Variants in MSRA observed in about 807,000 individuals in gnomAD.
MSRA encodes methionine sulfoxide reductase A, also known as mitochondrial peptide methionine sulfoxide reductase.
Under a neutral mutation model 31.3 loss-of-function variants are expected in MSRA, and 54 were observed. The observed-to-expected ratio is 1.73, with a 90% confidence interval of 1.39 to 2.17. The LOEUF (loss-of-function observed/expected upper bound fraction) is 2.17. MSRA is among the 30% of genes most tolerant of loss of function. MSRA has a pLI of 0.00. For synonymous variants in MSRA, 169 were observed against 116.5 expected (o/e 1.45, Z -2.90); for missense variants, 507 against 300.9 (o/e 1.69, Z -5.07).
chr8:10,149,425 A>T (rs1803463139), intron 1 of MSRA, among the ~76,000 whole-genome samples: 1 of 152,156 alleles, frequency 6.6e-6, no homozygotes, highest in Non-Finnish European at 1.5e-5. Flanking sequence ...CGCCCGGCTG[A>T]GAAATTCTTT....
chr8:10,422,107 A>T lies in MSRA; in HGVS notation c.544-6041A>T, dbSNP rs546033061. ...ACCAGCGTGGACAACATATAGGGAG[A>T]CACTGTCTCTATAAAAAAATTAAAA... On this transcript the variant is annotated intron_variant, in intron 5 of 5. Transcript: ENST00000317173. Among the ~76,000 whole-genome samples, 6 of 152,264 alleles carry T rather than the reference A, an allele frequency of 3.9e-5. No homozygotes were observed. In the South Asian group the frequency reaches 1.2e-3, roughly 32 times the overall value.
chr8:10,415,256 C>G (rs1454377187), intron 5 of MSRA, among the ~76,000 whole-genome samples: 1 of 152,170 alleles, frequency 6.6e-6, no homozygotes, highest in Admixed American at 6.5e-5. Context: ...GACCCATTCC[C>G]CTTGCATCTA....
intron 1 of MSRA, among the ~76,000 whole-genome samples, chr8:10,063,253 G>T (rs973656060): frequency 4.6e-5 from 7 of 152,160 alleles, no homozygotes; most frequent in Admixed American, 1.3e-4. Context: ...GAGTCCCGAT[G>T]ACTTCTTTTC....
chr8:10,343,209 C>T (rs1193656532), intron 5 of MSRA, among the ~76,000 whole-genome samples: 1 of 152,054 alleles, frequency 6.6e-6, no homozygotes, highest in African/African-American at 2.4e-5. Context: ...TTCAGGCTTG[C>T]TCAGCAGCAT....
At chr8:10,283,432 T>C (rs1302482180) in intron 3 of MSRA, among the ~76,000 whole-genome samples, 1 of 151,998 alleles carries the variant, frequency 6.6e-6, no homozygotes, top group Non-Finnish European at 1.5e-5. Flanking sequence ...ACTGCTTTTC[T>C]TTTTTAAAAA....
chr8:10,403,279 C>G (rs1380309423), intron 5 of MSRA, among the ~76,000 whole-genome samples: 1 of 152,214 alleles, frequency 6.6e-6, no homozygotes, highest in South Asian at 2.1e-4. Flanking sequence ...AGGTGCCTCC[C>G]TGAGTGATGT....
chr8:10,057,659 G>C (rs906737077), intron 1 of MSRA, among the ~76,000 whole-genome samples: 1 of 152,110 alleles, frequency 6.6e-6, no homozygotes, highest in African/African-American at 2.4e-5. Context: ...TGCTGTTCTC[G>C]TGAGAGTGAA....
chr8:10,320,589 A>G (rs1470891391), intron 5 of MSRA, among the ~76,000 whole-genome samples: 10 of 151,280 alleles, frequency 6.6e-5, no homozygotes, highest in Non-Finnish European at 1.3e-4. Flanking sequence ...TCTGTCTGAA[A>G]CTCTCTCTTT....
intron 1 of MSRA, among the ~76,000 whole-genome samples, chr8:10,144,457 T>C (rs1249056315): frequency 1.3e-5 from 2 of 152,312 alleles, no homozygotes; most frequent in South Asian, 4.1e-4. Context: ...GCGCTTAGAC[T>C]GGTGACTGGC....
intron 4 of MSRA, among the ~76,000 whole-genome samples, chr8:10,305,049 G>T (rs1015691275): frequency 2.0e-5 from 3 of 152,210 alleles, no homozygotes; most frequent in African/African-American, 7.2e-5. Flanking sequence ...ACAGAAATGT[G>T]ACTCAAGAGA....
chr8:10,088,030 T>G (rs1231143297), intron 1 of MSRA, among the ~76,000 whole-genome samples: 1 of 152,202 alleles, frequency 6.6e-6, no homozygotes, highest in Non-Finnish European at 1.5e-5. Context: ...TTCTTTGTCC[T>G]TTGTCAAAGC....
chr8:10,328,495 C>G (rs1328771984), intron 5 of MSRA, among the ~76,000 whole-genome samples: 1 of 152,080 alleles, frequency 6.6e-6, no homozygotes, highest in Non-Finnish European at 1.5e-5. Context: ...CTTCTTACCT[C>G]TCCATGATTA....
At position 10,339,096 on chromosome 8, in the gene MSRA, A is replaced by G. The variant is rs575998208; in HGVS notation, c.543+19107A>G. The stretch of plus-strand genomic sequence containing the variant: ...GTTCTTATGAACCTTGACTGCAGAG[A>G]TAAGTTGACAGTGGCTGACAGATGA... On this transcript the variant is annotated intron_variant, in intron 5 of 5. Coordinates refer to ENST00000317173, the MANE Select transcript of MSRA (RefSeq NM_012331.5). Among the ~76,000 whole-genome samples, 5 of 152,250 alleles carry G rather than the reference A, an allele frequency of 3.3e-5. 1 individual carries two copies. In the South Asian group the frequency reaches 1.0e-3, roughly 32 times the overall value.
At chr8:10,226,153 G>C (rs1400577788) in intron 2 of MSRA, among the ~76,000 whole-genome samples, 3 of 152,164 alleles carry the variant, frequency 2.0e-5, no homozygotes, top group Non-Finnish European at 2.9e-5. Context: ...GCAGGTGACT[G>C]TTCAGGTGAC....
At position 10,104,386 on chromosome 8, in the gene MSRA, G is replaced by A. The variant is rs146267725; in HGVS notation, c.142+49728G>A. Among the ~76,000 whole-genome samples, 215 of 152,348 alleles carry A rather than the reference G, an allele frequency of 1.4e-3. 1 individual carries two copies. The highest frequency in any genetic ancestry group is 4.8e-3 in the African/African-American group (198 of 41,580). Reference sequence around the variant, plus strand: ...CAGGAGGTCCTGACATGTGCCCAGGGTGATGGGGGTACAGCTTGGTTTTAT... The same window carrying A: ...CAGGAGGTCCTGACATGTGCCCAGGATGATGGGGGTACAGCTTGGTTTTAT... On this transcript the variant is annotated intron_variant, in intron 1 of 5. Coordinates refer to ENST00000317173, the MANE Select transcript of MSRA (RefSeq NM_012331.5).
At chr8:10,408,386 T>A (rs543336512) in intron 5 of MSRA, among the ~76,000 whole-genome samples, 70 of 152,078 alleles carry the variant, frequency 4.6e-4, no homozygotes, top group African/African-American at 1.1e-3. Flanking sequence ...AAATTTTTTT[T>A]AAAAAATTAG....
At chr8:10,366,008 A>G (rs1028816910) in intron 5 of MSRA, among the ~76,000 whole-genome samples, 2 of 152,164 alleles carry the variant, frequency 1.3e-5, no homozygotes, top group Admixed American at 6.5e-5. Flanking sequence ...TGCCTGCCTC[A>G]TTCCCCTGCT....
chr8:10,264,331 C>A (rs781045271), intron 3 of MSRA, among the ~76,000 whole-genome samples: 1 of 152,158 alleles, frequency 6.6e-6, no homozygotes, highest in African/African-American at 2.4e-5. Context: ...CTTTGATTGC[C>A]CAGAACAATC....
At chr8:10,393,416 C>T (rs555407997) in intron 5 of MSRA, among the ~76,000 whole-genome samples, 2 of 152,240 alleles carry the variant, frequency 1.3e-5, no homozygotes, top group African/African-American at 2.4e-5. Context: ...TTAGGGAAAA[C>T]GGGCCTATAT....
Sources: gnomAD v4.1 joint callset for allele counts (sites outside exome capture counted in the v4.1 genomes callset) on GRCh38, gnomAD v4.1.1 for gene constraint, MANE v1.5 for transcripts, NCBI Gene and HGNC (gene_info 2026-07-23, HGNC 2026-07-21) for gene names.